The following CYP4F8 variants were observed in gnomAD, a reference collection of about 807,000 sequenced individuals.
CYP4F8 encodes cytochrome P450 4F8.
CYP4F8 carries 56 observed loss-of-function variants against 55.0 expected under a neutral mutation model. The ratio of observed to expected loss-of-function variants is 1.02; its 90% confidence interval spans 0.82 to 1.27. The LOEUF is 1.27. Ranked by LOEUF, CYP4F8 falls within the 50% of genes most tolerant of loss-of-function variation. The pLI, the probability that CYP4F8 is intolerant of heterozygous loss-of-function variation, is 0.00. For synonymous variants in CYP4F8, 288 were observed against 267.3 expected (o/e 1.08, Z -0.76); for missense variants, 680 against 682.4 (o/e 1.00, Z 0.04).
chr19:15,628,907 G>A, intron 12 of CYP4F8, 64 bp downstream of exon 12: 1 of 1,492,164 alleles, frequency 6.7e-7, no homozygotes, highest in Non-Finnish European at 9.0e-7. Context: ...TGCCTTGTCA[G>A]ATGCCTGACT....
chr19:15,615,501 A>G, intron 1 of CYP4F8, 115 bp from the exon 2 acceptor site: 3 of 1,239,128 alleles, frequency 2.4e-6, no homozygotes, highest in Non-Finnish European at 3.3e-6. Context: ...TTCCCCTGAG[A>G]TTCCCTGAAT....
At chr19:15,626,466 C>A (rs1358906620) in intron 9 of CYP4F8, among the ~76,000 whole-genome samples, 1 of 152,178 alleles carries the variant, frequency 6.6e-6, no homozygotes, top group African/African-American at 2.4e-5. Context: ...AGTGACTTTG[C>A]GCATCTCCTC....
intron 9 of CYP4F8, 55 bp downstream of exon 9, chr19:15,624,149 G>A: frequency 6.3e-7 from 1 of 1,592,668 alleles, no homozygotes; most frequent in Non-Finnish European, 8.6e-7. Context: ...CCTTCTCGTT[G>A]GTTCTTCTCC....
Position 15,629,628 on chromosome 19 carries a change from TC to T in CYP4F8, c.*277del, listed in dbSNP as rs954666879. ...TCCCAGAGTCTAAGTAAAGACTTTT[TC>T]CCCCCCAAAATAATTGTGTATTCTG... On this transcript the variant is annotated 3_prime_UTR_variant, in exon 13 of 13. Coordinates refer to ENST00000612078, the MANE Select transcript of CYP4F8 (RefSeq NM_007253.4). The T allele has an allele frequency of 2.1e-4, 81 of 392,668 alleles. No individual in the cohort carries two copies. In the East Asian group the frequency reaches 2.9e-3, roughly 14 times the overall value. 24.3% of individuals were successfully genotyped at this position (392,668 alleles called of 1,614,324 possible).
Position 15,618,041 on chromosome 19 carries a change from G to T in CYP4F8, c.240G>T (p.Leu80=), listed in dbSNP as rs1364556384. ...TEEGLRVLTQ[L]VATYPQGFVR... is the part of the protein sequence containing the mutation. Reference sequence around the variant, plus strand: ...AGGGCTTGAGGGTCCTGACCCAGCTGGTGGCCACCTACCCCCAGGGCTTTG... The same window carrying T: ...AGGGCTTGAGGGTCCTGACCCAGCTTGTGGCCACCTACCCCCAGGGCTTTG... The change falls in exon 3 of 13, where the codon CTG becomes CTT. Residue 80 remains leucine, a synonymous_variant. Coordinates refer to ENST00000612078, the MANE Select transcript of CYP4F8 (RefSeq NM_007253.4). 6.2e-7 allele frequency: 1 copy of T among 1,614,068 alleles called. No homozygotes were observed.
chr19:15,622,420 G>C (rs905987112), intron 6 of CYP4F8, 80 bp downstream of exon 6: 1 of 1,576,346 alleles, frequency 6.3e-7, no homozygotes. Flanking sequence ...AGGGAGACAA[G>C]AAGAGCCTTC....
At chr19:15,615,518 C>G in intron 1 of CYP4F8, 98 bp from the exon 2 acceptor site, 1 of 1,361,096 alleles carries the variant, frequency 7.3e-7, no homozygotes, top group Non-Finnish European at 9.8e-7. Context: ...GAATCTCCCT[C>G]CATGCTCTTA....
In CYP4F8 at chr19:15,623,169, C is replaced by T. The variant is rs201091490; in HGVS notation, c.712C>T (p.Gln238Ter). 2.4e-5 allele frequency: 38 copies of T among 1,613,906 alleles called. No individual in the cohort carries two copies. The highest frequency in any genetic ancestry group is 3.1e-5 in the Non-Finnish European group (37 of 1,180,020). The stretch of plus-strand genomic sequence containing the variant: ...TGCCCTTGTAGTGAAACGGAATAAC[C>T]AGTTCTTCCGGTACAAGGACTTCCT... Reference protein sequence around the residue: ...LSALVVKRNNQFFRYKDFLYF... With the variant: ...LSALVVKRNN Residue 238 changes from glutamine (Q) to a stop codon, truncating the protein, a stop_gained, in exon 7 of 13, where the codon CAG becomes TAG. Transcript: ENST00000612078. LOFTEE classifies it high-confidence loss of function.
chr19:15,623,596 G>C, intron 7 of CYP4F8, 103 bp from the exon 8 acceptor site: 1 of 1,387,338 alleles, frequency 7.2e-7, no homozygotes, highest in Non-Finnish European at 9.8e-7. Context: ...AGATCTGGAG[G>C]TGACAAGGGA....
At chr19:15,622,441 G>T (rs1193357519) in intron 6 of CYP4F8, 101 bp downstream of exon 6, 1 of 1,500,754 alleles carries the variant, frequency 6.7e-7, no homozygotes, top group African/African-American at 1.4e-5. Context: ...CTGGAGAGAT[G>T]ATGAGAACTA....
chr19:15,623,465 C>A, intron 7 of CYP4F8, 90 bp downstream of exon 7: 1 of 1,557,800 alleles, frequency 6.4e-7, no homozygotes, highest in South Asian at 1.2e-5. Flanking sequence ...ACAGAGGGCA[C>A]TAAGGAGCCA....
intron 2 of CYP4F8, among the ~76,000 whole-genome samples, chr19:15,617,722 T>C (rs926751027): frequency 1.6e-4 from 24 of 152,174 alleles, no homozygotes; most frequent in Non-Finnish European, 3.4e-4. Flanking sequence ...GGAGTTCTAA[T>C]GTTCAAGGGC....
intron 12 of CYP4F8, 26 bp from the exon 13 acceptor site, chr19:15,629,167 G>T (rs751937831): frequency 1.3e-6 from 2 of 1,575,260 alleles, no homozygotes; most frequent in East Asian, 2.3e-5. Context: ...CCTGGGTGCA[G>T]TCAGACCTTC....
intron 9 of CYP4F8, among the ~76,000 whole-genome samples, chr19:15,626,746 C>A (rs914332183): frequency 1.2e-4 from 18 of 152,066 alleles, no homozygotes; most frequent in African/African-American, 4.4e-4. Context: ...GCGTATTTAT[C>A]CTTTATATTT....
Position 15,615,729 on chromosome 19 carries a change from C to A in CYP4F8, c.113C>A (p.Thr38Asn), listed in dbSNP as rs368805115. The A allele has an allele frequency of 1.7e-5, 28 of 1,613,968 alleles. No individual in the cohort carries two copies. Among genetic ancestry groups the A allele is most frequent in the Non-Finnish European group, 2.3e-5 (27 of 1,179,988 alleles). The change falls in exon 2 of 13, where the codon ACC becomes AAC. Residue 38 changes from threonine (T) to asparagine (N), a missense_variant. Transcript: ENST00000612078. The stretch of plus-strand genomic sequence containing the variant: ...CTCCTGGCCCGCATCCTGGCCTGGA[C>A]CTATGCCTTCTATCACAACGGCCGC... ...SWLLARILAW[T>N]YAFYHNGRRL...
Position 15,619,637 on chromosome 19 carries a change from G to A in CYP4F8, c.400G>A (p.Asp134Asn). 6.2e-7 allele frequency: 1 copy of A among 1,614,230 alleles called. No homozygotes were observed. The highest frequency in any genetic ancestry group is 8.5e-7 in the Non-Finnish European group (1 of 1,180,024). ...ACAGCCTTTGGCTGCCGTACTAGGG[G>A]ATGGGCTCTTGTTAAGTGTTGGTGA... The part of the protein sequence containing the change: ...FYKTLKPWLG[D>N]GLLLSVGDKW... The change falls in exon 5 of 13, where the codon GAT becomes AAT. Residue 134 changes from aspartate (D) to asparagine (N), a missense_variant and splice_region_variant. Asp to Asn is a conservative substitution (Grantham distance 23, BLOSUM62 1). Transcript: ENST00000612078.
rs1972220805 is a variant in CYP4F8 at position 15,623,382 on chromosome 19, C to T, written c.918+7C>T. 1.2e-6 allele frequency: 2 copies of T among 1,612,026 alleles called. No homozygotes were observed. Among genetic ancestry groups the T allele is most frequent in the African/African-American group, 1.3e-5 (1 of 74,796 alleles). On this transcript the variant is annotated splice_region_variant and intron_variant, in intron 7 of 12. Transcript: ENST00000612078. ...TGTGCTCCTGCTGAGCGAGGTGGGC[C>T]TCTCTGGGATCTGAATTCAAGAGGT...
chr19:15,623,408 A>G (rs747966342), intron 7 of CYP4F8, 33 bp downstream of exon 7: 32 of 1,606,642 alleles, frequency 2.0e-5, no homozygotes, highest in Non-Finnish European at 2.2e-5. Flanking sequence ...TTCAAGAGGT[A>G]AAATGGAGCT....
chr19:15,619,322 TCCCCTTTATGC>T, intron 3 of CYP4F8, 157 bp from the exon 4 acceptor site: 2 of 672,954 alleles, frequency 3.0e-6, no homozygotes, highest in South Asian at 3.8e-5. Flanking sequence ...CCTAGTCCGG[TCCCCTTTATGC>T]CCCCCACCCT....
Sources: allele counts gnomAD v4.1 joint callset (sites outside exome capture counted in the v4.1 genomes callset), GRCh38; gene constraint gnomAD v4.1.1; transcripts MANE v1.5; gene names NCBI Gene and HGNC (gene_info 2026-07-23, HGNC 2026-07-21).